LOC128462377: variants seen among roughly 807,000 people sequenced by gnomAD.
At chr16:89,331,963 TAAG>T in the LOC128462377 span, among the ~76,000 whole-genome samples, 29 of 152,154 alleles carry the variant, frequency 1.9e-4, 2 homozygotes, top group South Asian at 2.7e-3. Flanking sequence ...CACTCTCTCT[TAAG>T]AAGGGCACAC....
chr16:89,370,392 G>A, the LOC128462377 span, among the ~76,000 whole-genome samples: 1 of 152,164 alleles, frequency 6.6e-6, no homozygotes, highest in Admixed American at 6.5e-5. Flanking sequence ...CACACCCTGG[G>A]CCCAGTTAGG....
chr16:89,391,986 T>C, the LOC128462377 span, among the ~76,000 whole-genome samples: 2 of 151,752 alleles, frequency 1.3e-5, no homozygotes, highest in South Asian at 2.1e-4. Flanking sequence ...GTTGAAGGTG[T>C]TTTTACCTTT....
the LOC128462377 span, among the ~76,000 whole-genome samples, chr16:89,356,613 T>C: frequency 9.0e-6 from 1 of 111,326 alleles, no homozygotes. Context: ...CTACTAAAAA[T>C]ACAAAAAAAA....
chr16:89,390,685 G>A, the LOC128462377 span, among the ~76,000 whole-genome samples: 2 of 152,062 alleles, frequency 1.3e-5, no homozygotes, highest in African/African-American at 4.8e-5. Context: ...AGGTTCTCGG[G>A]GAAACAGTGA....
chr16:89,404,215 G>A, the LOC128462377 span, among the ~76,000 whole-genome samples: 1 of 152,162 alleles, frequency 6.6e-6, no homozygotes, highest in African/African-American at 2.4e-5. Flanking sequence ...GAGAGGGGAA[G>A]CCCAGTTTGG....
the LOC128462377 span, among the ~76,000 whole-genome samples, chr16:89,334,975 G>A: frequency 6.6e-6 from 1 of 152,106 alleles, no homozygotes; most frequent in Non-Finnish European, 1.5e-5. Context: ...GGGAGGTCCA[G>A]GAGGAGATCC....
the LOC128462377 span, among the ~76,000 whole-genome samples, chr16:89,403,164 T>C: frequency 6.6e-6 from 1 of 152,122 alleles, no homozygotes; most frequent in African/African-American, 2.4e-5. Context: ...ACAGAGAAAC[T>C]TCCTGTTGGC....
chr16:89,408,623 C>T, the LOC128462377 span, among the ~76,000 whole-genome samples: 1 of 152,190 alleles, frequency 6.6e-6, no homozygotes, highest in African/African-American at 2.4e-5. Flanking sequence ...AAAGACGTCC[C>T]AGCCGTGCCC....
chr16:89,403,159 GA>G, the LOC128462377 span, among the ~76,000 whole-genome samples: 5 of 152,186 alleles, frequency 3.3e-5, no homozygotes, highest in African/African-American at 1.2e-4. Context: ...ACACTACAGA[GA>G]AACTTCCTGT....
the LOC128462377 span, among the ~76,000 whole-genome samples, chr16:89,333,029 G>C: frequency 6.6e-6 from 1 of 152,170 alleles, no homozygotes; most frequent in Non-Finnish European, 1.5e-5. Context: ...TGGTCCCCCA[G>C]AGTGACAGGG....
At chr16:89,352,456 G>A in the LOC128462377 span, among the ~76,000 whole-genome samples, 1 of 151,556 alleles carries the variant, frequency 6.6e-6, no homozygotes, top group Non-Finnish European at 1.5e-5. Context: ...TGCTGATGCT[G>A]GGCACAGAGG....
the LOC128462377 span, among the ~76,000 whole-genome samples, chr16:89,407,299 CG>C: frequency 1.3e-5 from 2 of 151,190 alleles, no homozygotes; most frequent in Non-Finnish European, 2.9e-5. Context: ...ATAAGGAACA[CG>C]GGGGGAAAAA....
chr16:89,381,714 C>A, the LOC128462377 span, among the ~76,000 whole-genome samples: 2 of 152,204 alleles, frequency 1.3e-5, no homozygotes, highest in African/African-American at 4.8e-5. Context: ...CTGCTACTCA[C>A]ATTCAGACTG....
At chr16:89,368,371 G>GTTGTTTT in the LOC128462377 span, among the ~76,000 whole-genome samples, 1 of 56,612 alleles carries the variant, frequency 1.8e-5, no homozygotes, top group African/African-American at 4.8e-5. Context: ...TAATTTTTGT[G>GTTGTTTT]TTTTTTTTTT....
At chr16:89,348,557 A>C in the LOC128462377 span, among the ~76,000 whole-genome samples, 1 of 152,210 alleles carries the variant, frequency 6.6e-6, no homozygotes, top group South Asian at 2.1e-4. Flanking sequence ...ACAAATGACC[A>C]AGTCAGTCAT....
chr16:89,350,380 G>C, the LOC128462377 span, among the ~76,000 whole-genome samples: 1 of 152,070 alleles, frequency 6.6e-6, no homozygotes, highest in African/African-American at 2.4e-5. Context: ...ACTCATATCA[G>C]CTTGACTCCC....
chr16:89,352,924 T>C, the LOC128462377 span, among the ~76,000 whole-genome samples: 6 of 152,370 alleles, frequency 3.9e-5, no homozygotes, highest in South Asian at 1.0e-3. Context: ...AGGGGGTCAC[T>C]ACAACAAAAT....
At chr16:89,338,310 G>A in the LOC128462377 span, among the ~76,000 whole-genome samples, 1 of 151,598 alleles carries the variant, frequency 6.6e-6, no homozygotes, top group Non-Finnish European at 1.5e-5. Context: ...CCCCTACCAA[G>A]CCAGGACAGC....
At chr16:89,364,543 A>G in the LOC128462377 span, among the ~76,000 whole-genome samples, 3 of 152,218 alleles carry the variant, frequency 2.0e-5, no homozygotes, top group Non-Finnish European at 4.4e-5. Context: ...CGCTGAGCAC[A>G]GCAGTCAGAC....
Sources: gnomAD v4.1 joint callset for allele counts (sites outside exome capture counted in the v4.1 genomes callset) on GRCh38, gnomAD v4.1.1 for gene constraint, MANE v1.5 for transcripts.